ANKRD12: variants seen among roughly 807,000 people sequenced by gnomAD.
ANKRD12 encodes the protein ankyrin repeat domain 12, also known as ankyrin repeat domain-containing protein 12.
ANKRD12 carries 85 observed loss-of-function variants against 183.4 expected under a neutral mutation model. The ratio of observed to expected loss-of-function variants is 0.46; its 90% CI spans 0.39 to 0.56. The LOEUF is 0.56. Ranked by LOEUF, ANKRD12 falls within the 20% of genes least tolerant of loss-of-function variation. The pLI is 0.00. For missense variants in ANKRD12, 2,405 were observed against 2,357.1 expected (o/e 1.02, Z -0.42); for synonymous variants, 914 against 800.2 (o/e 1.14, Z -2.40).
At chr18:9,252,505 T>A (rs1389059685) in intron 8 of ANKRD12, among the ~76,000 whole-genome samples, 2 of 152,232 alleles carry the variant, frequency 1.3e-5, no homozygotes, top group African/African-American at 2.4e-5. Flanking sequence ...CTTATTTATG[T>A]TAGAATTTAC....
chr18:9,252,057 C>T (rs1023060106), intron 8 of ANKRD12, among the ~76,000 whole-genome samples: 3 of 152,032 alleles, frequency 2.0e-5, no homozygotes, highest in Non-Finnish European at 2.9e-5. Context: ...ACTAGTATAA[C>T]GATAAACATG....
At position 9,280,958 on chromosome 18, in the gene ANKRD12, G is replaced by A. The variant is rs2040085321; in HGVS notation, c.6021G>A (p.Arg2007=). Reference sequence around the variant, plus strand: ...TTAAATAGACCTGTCTTTTAATGAGGCAACAACATGAAGCTGCGGCTTTAA... The same window carrying A: ...TTAAATAGACCTGTCTTTTAATGAGACAACAACATGAAGCTGCGGCTTTAA... ...FDKLKTCLLM[R]QQHEAAALNA... The change falls in exon 13 of 13, where the codon AGG becomes AGA. Residue 2007 remains arginine, a synonymous_variant. Coordinates refer to ENST00000262126, the MANE Select transcript of ANKRD12 (RefSeq NM_015208.5). The A allele has an allele frequency of 2.5e-6, 4 of 1,612,412 alleles. No homozygotes were observed. Among genetic ancestry groups the A allele is most frequent in the Non-Finnish European group, 3.4e-6 (4 of 1,179,590 alleles).
chr18:9,140,085 T>C (rs188892406), intron 1 of ANKRD12, among the ~76,000 whole-genome samples: 2 of 152,320 alleles, frequency 1.3e-5, no homozygotes, highest in Admixed American at 1.3e-4. Context: ...TTCAGAACCT[T>C]GCCTTCTATC....
chr18:9,252,809 C>G (rs1198383128), intron 8 of ANKRD12, among the ~76,000 whole-genome samples: 1 of 152,038 alleles, frequency 6.6e-6, no homozygotes, highest in Non-Finnish European at 1.5e-5. Flanking sequence ...ACCAAAAATA[C>G]AAAAAATATT....
intron 8 of ANKRD12, among the ~76,000 whole-genome samples, chr18:9,233,584 C>G (rs143440840): frequency 6.6e-6 from 1 of 152,196 alleles, no homozygotes; most frequent in East Asian, 1.9e-4. Context: ...AGCTTCTTCC[C>G]AAAGATTATA....
chr18:9,168,389 A>G (rs1052709567), intron 1 of ANKRD12, among the ~76,000 whole-genome samples: 5 of 152,164 alleles, frequency 3.3e-5, no homozygotes, highest in Non-Finnish European at 7.3e-5. Flanking sequence ...TATTGCCTCA[A>G]TTTCAGAGCC....
At chr18:9,181,596 A>C (rs1336845984) in intron 1 of ANKRD12, among the ~76,000 whole-genome samples, 1 of 152,224 alleles carries the variant, frequency 6.6e-6, no homozygotes, top group Non-Finnish European at 1.5e-5. Flanking sequence ...TGTATAGTAC[A>C]GTGGCTAGTT....
chr18:9,148,583 T>C (rs2078571730), intron 1 of ANKRD12, among the ~76,000 whole-genome samples: 1 of 152,212 alleles, frequency 6.6e-6, no homozygotes, highest in Non-Finnish European at 1.5e-5. Flanking sequence ...TGCTAATTGC[T>C]TAAATTATTT....
intron 2 of ANKRD12, among the ~76,000 whole-genome samples, chr18:9,192,638 T>C (rs1463261126): frequency 1.3e-5 from 2 of 152,174 alleles, no homozygotes; most frequent in African/African-American, 4.8e-5. Context: ...TAAAACTCTA[T>C]TGTAAAATCT....
chr18:9,266,125 C>A (rs1464242890), intron 10 of ANKRD12, among the ~76,000 whole-genome samples: 1 of 152,092 alleles, frequency 6.6e-6, no homozygotes, highest in East Asian at 1.9e-4. Context: ...GTGAAAAGAC[C>A]AAATCTACGT....
chr18:9,142,606 G>C (rs2078357271), intron 1 of ANKRD12, among the ~76,000 whole-genome samples: 1 of 152,198 alleles, frequency 6.6e-6, no homozygotes, highest in African/African-American at 2.4e-5. Context: ...AATGGGCCAG[G>C]TGCAGTAGGT....
intron 11 of ANKRD12, among the ~76,000 whole-genome samples, chr18:9,276,493 C>CA (rs2039841353): frequency 6.6e-6 from 1 of 152,090 alleles, no homozygotes; most frequent in Non-Finnish European, 1.5e-5. Context: ...AGTGGGCAAT[C>CA]ACTTGAGCTC....
At chr18:9,165,491 C>G (rs890001094) in intron 1 of ANKRD12, among the ~76,000 whole-genome samples, 2 of 152,048 alleles carry the variant, frequency 1.3e-5, no homozygotes, top group Admixed American at 6.6e-5. Flanking sequence ...AACTTCATAC[C>G]AATTGAACAC....
intron 8 of ANKRD12, among the ~76,000 whole-genome samples, chr18:9,246,060 A>T (rs74882351): frequency 0.01 from 1,575 of 152,362 alleles, 21 homozygotes; most frequent in African/African-American, 0.036. Context: ...TAAGATGGAC[A>T]TAGATGAATG....
At position 9,258,469 on chromosome 18, in the gene ANKRD12, A is replaced by G. The variant is rs746267444; in HGVS notation, c.5202A>G (p.Arg1734=). The G allele has an allele frequency of 2.2e-5, 36 of 1,613,654 alleles. No homozygotes were observed. In the Admixed American group the frequency reaches 4.8e-4, roughly 22 times the overall value. ...AAACTGAAAACCAAATCCCTCAAAG[A>G]ATGACTAGAAACAAAGCAAATACAA... The part of the protein sequence containing the change: ...DDKTENQIPQ[R]MTRNKANTMA... Residue 1734 remains arginine (R), a synonymous_variant, in exon 9 of 13, where the codon AGA becomes AGG. Coordinates refer to ENST00000262126, the MANE Select transcript of ANKRD12 (RefSeq NM_015208.5).
At chr18:9,212,100 A>G (rs2035836625) in intron 6 of ANKRD12, among the ~76,000 whole-genome samples, 1 of 152,104 alleles carries the variant, frequency 6.6e-6, no homozygotes, top group Non-Finnish European at 1.5e-5. Flanking sequence ...TGATTCATTC[A>G]TAAGTATTTT....
intron 1 of ANKRD12, among the ~76,000 whole-genome samples, chr18:9,175,351 G>GT (rs1423671210): frequency 6.6e-6 from 1 of 151,886 alleles, no homozygotes; most frequent in Non-Finnish European, 1.5e-5. Flanking sequence ...AACTAGAGGT[G>GT]TTTTTTTCTC....
At chr18:9,205,024 A>T (rs2035399139) in intron 4 of ANKRD12, among the ~76,000 whole-genome samples, 1 of 152,186 alleles carries the variant, frequency 6.6e-6, no homozygotes, top group Non-Finnish European at 1.5e-5. Flanking sequence ...ATTAGCCGTT[A>T]TTGACTTTGT....
rs2038796061 is a variant in ANKRD12 at position 9,258,863 on chromosome 18, G to A, written c.5596G>A (p.Glu1866Lys). The A allele has an allele frequency of 1.9e-6, 3 of 1,613,444 alleles. No individual in the cohort carries two copies. Among genetic ancestry groups the A allele is most frequent in the South Asian group, 1.1e-5 (1 of 90,958 alleles). The change falls in exon 9 of 13, where the codon GAA becomes AAA. Residue 1866 changes from glutamate to lysine, a missense_variant. Glu to Lys is a moderately conservative substitution (Grantham distance 56). This residue lies in a region of ANKRD12 where 162 missense variants were observed against 272.2 expected (regional missense o/e 0.60). Transcript: ENST00000262126. ...VIPQAPQYYD[E>K]YVTFNGSYLL... Reference sequence around the variant, plus strand: ...TCCTCAAGCACCTCAGTACTATGACGAATATGTAACATTTAACGGATCATA... The same window carrying A: ...TCCTCAAGCACCTCAGTACTATGACAAATATGTAACATTTAACGGATCATA...
Sources: allele counts gnomAD v4.1 joint callset (sites outside exome capture counted in the v4.1 genomes callset), GRCh38; gene constraint gnomAD v4.1.1; regional missense constraint gnomAD v4.1.1; transcripts MANE v1.5; gene names NCBI Gene and HGNC (gene_info 2026-07-23, HGNC 2026-07-21).